ZKSCAN7: variants seen among roughly 807,000 people sequenced by gnomAD.
The protein encoded by ZKSCAN7 is zinc finger protein with KRAB and SCAN domains 7.
Under a neutral mutation model 65.3 loss-of-function variants are expected in ZKSCAN7, and 38 were observed. The ratio of observed to expected loss-of-function variants is 0.58; its 90% CI spans 0.45 to 0.76. ZKSCAN7 has a LOEUF of 0.76. ZKSCAN7 is among the 30% of genes least tolerant of loss of function. The probability of loss-of-function intolerance (pLI) is 0.00; values close to 1 mark genes in which losing one functional copy is unlikely to be tolerated. For missense variants in ZKSCAN7, 815 were observed against 913.3 expected, an observed-to-expected ratio of 0.89 and a Z score of 1.39; for synonymous variants, 321 against 321.0, an observed-to-expected ratio of 1.00 and a Z score of 0.00.
chr3:44,565,184 T>A (rs936114803), intron 2 of ZKSCAN7, among the ~76,000 whole-genome samples: 1 of 152,172 alleles, frequency 6.6e-6, no homozygotes, highest in Non-Finnish European at 1.5e-5. Flanking sequence ...GCTCCCTTTT[T>A]AAATGGTTCT....
chr3:44,561,247 C>G (rs1247348543), intron 2 of ZKSCAN7, among the ~76,000 whole-genome samples: 1 of 151,220 alleles, frequency 6.6e-6, no homozygotes, highest in Non-Finnish European at 1.5e-5. Context: ...AAGGAAGGAC[C>G]TTCTTCACAT....
chr3:44,571,379 A>G lies in ZKSCAN7; in HGVS notation c.*4A>G, dbSNP rs994675910. Reference sequence around the variant, plus strand: ...TCTGGCTTGGTCAGTTTCTTAAGGTATGGTTCTCTGAGACAGAGAGCAACG... The same window carrying G: ...TCTGGCTTGGTCAGTTTCTTAAGGTGTGGTTCTCTGAGACAGAGAGCAACG... On this transcript the variant is annotated 3_prime_UTR_variant, in exon 6 of 6. Transcript: ENST00000426540. 2.5e-6 allele frequency: 4 copies of G among 1,613,764 alleles called. No homozygotes were observed. The highest frequency in any genetic ancestry group is 3.4e-6 in the Non-Finnish European group (4 of 1,180,026).
At chr3:44,581,400 T>C (rs1308331986) in intron 5 of ZKSCAN7, among the ~76,000 whole-genome samples, 2 of 152,124 alleles carry the variant, frequency 1.3e-5, no homozygotes, top group Non-Finnish European at 2.9e-5. Flanking sequence ...TCTTAAGATA[T>C]GTGAAAAACC....
intron 2 of ZKSCAN7, among the ~76,000 whole-genome samples, chr3:44,563,338 T>C (rs544171627): frequency 7.9e-4 from 121 of 152,328 alleles, no homozygotes; most frequent in African/African-American, 2.9e-3. Context: ...TTTATAGCAG[T>C]GCCCCACTTT....
In ZKSCAN7 at chr3:44,579,307, C is replaced by T. The variant is rs190417222; in HGVS notation, c.812-3665C>T. 1.5e-3 allele frequency among the ~76,000 whole-genome samples: 233 copies of T among 152,302 alleles called. 1 individual carries two copies. Among genetic ancestry groups the T allele is most frequent in the Middle Eastern group, 3.4e-3 (1 of 294 alleles). ...GCTCCCGCTCCAGCTCCCCAGGCTC[C>T]GCCTCAGGGCGCAGGGGCTCGTGGG... On this transcript the variant is annotated intron_variant, in intron 5 of 5. Coordinates refer to the ZKSCAN7 transcript ENST00000341840.
rs1479848076 is a variant in ZKSCAN7 at position 44,571,432 on chromosome 3, C to T, written c.*57C>T. On this transcript the variant is annotated 3_prime_UTR_variant, in exon 6 of 6. Transcript: ENST00000426540. ...CTTTGAGTTAAGCTGTCTTTATAAG[C>T]AGGATGCTCATAGTGGTTTCCCGGA... 1.2e-6 allele frequency: 2 copies of T among 1,604,744 alleles called. No homozygotes were observed. The highest frequency in any genetic ancestry group is 1.3e-5 in the African/African-American group (1 of 74,892).
At chr3:44,562,428 A>C (rs773582051) in intron 2 of ZKSCAN7, among the ~76,000 whole-genome samples, 1 of 152,204 alleles carries the variant, frequency 6.6e-6, no homozygotes, top group South Asian at 2.1e-4. Flanking sequence ...AATGCCCTGG[A>C]GACGTTTTCC....
rs1699772026 is a variant in ZKSCAN7, at chr3:44,570,551, C to T, written c.1441C>T (p.Arg481Ter). The change falls in exon 6 of 6, where the codon CGA (arginine) becomes TGA (stop). Residue 481 changes from arginine to a stop codon, truncating the protein, a stop_gained. Transcript: ENST00000426540. LOFTEE classifies it high-confidence loss of function. ...TGCAAAAGCCTTTACTCAGAGTTCC[C>T]GACTCACTGACCACCAGAGAACCCA... Reference protein sequence around the residue: ...ECAKAFTQSSRLTDHQRTHTG... With the variant: ...ECAKAFTQSS 29 of 1,612,372 alleles carry T rather than the reference C, an allele frequency of 1.8e-5. No individual in the cohort carries two copies. The highest frequency in any genetic ancestry group is 2.2e-5 in the Non-Finnish European group (26 of 1,178,576).
At chr3:44,578,394 T>TCCC in intron 5 of ZKSCAN7, 2 of 1,613,854 alleles carry the variant, frequency 1.2e-6, no homozygotes, top group Non-Finnish European at 1.7e-6. Context: ...CCGTCCCCAG[T>TCCC]CAGCAGCGTC....
chr3:44,568,213 C>A, intron 4 of ZKSCAN7, 94 bp from the exon 5 acceptor site: 1 of 1,557,058 alleles, frequency 6.4e-7, no homozygotes, highest in Non-Finnish European at 8.7e-7. Context: ...TACTTTTGCC[C>A]ATGAAGAGCC....
At chr3:44,580,004 C>T (rs1270236101) in intron 5 of ZKSCAN7, 7 of 1,582,896 alleles carry the variant, frequency 4.4e-6, no homozygotes, top group Non-Finnish European at 6.1e-6. Flanking sequence ...TGAAGTCCTG[C>T]TTGCTAGGGA....
Position 44,557,237 on chromosome 3 carries a change from G to A in ZKSCAN7, c.190G>A (p.Glu64Lys), listed in dbSNP as rs745595640. ...RLHFRQLCYH[E>K]MSGPQEALSR... ...ACACTTCAGGCAATTGTGTTACCAC[G>A]AGATGTCTGGGCCGCAGGAAGCATT... The change falls in exon 2 of 6, where the codon GAG becomes AAG. Residue 64 changes from glutamate (E) to lysine (K), a missense_variant. Glu to Lys is a moderately conservative substitution (Grantham distance 56, BLOSUM62 1). This residue lies in a region of ZKSCAN7 where 227 missense variants were observed against 253.3 expected (regional missense o/e 0.90). Coordinates refer to ENST00000426540, the MANE Select transcript of ZKSCAN7 (RefSeq NM_001288590.2). 6.2e-6 allele frequency: 10 copies of A among 1,614,148 alleles called. No individual in the cohort carries two copies. Among genetic ancestry groups the A allele is most frequent in the East Asian group, 2.2e-5 (1 of 44,900 alleles).
chr3:44,579,459 G>T (rs1461193608), intron 5 of ZKSCAN7, among the ~76,000 whole-genome samples: 1 of 152,158 alleles, frequency 6.6e-6, no homozygotes, highest in Non-Finnish European at 1.5e-5. Flanking sequence ...CTCCTCTTCT[G>T]CTCAGGGTCC....
At chr3:44,559,284 C>T (rs1699394540) in intron 2 of ZKSCAN7, among the ~76,000 whole-genome samples, 1 of 152,108 alleles carries the variant, frequency 6.6e-6, no homozygotes, top group South Asian at 2.1e-4. Context: ...ATCATCACAC[C>T]ATGGATAAGT....
intron 2 of ZKSCAN7, 24 bp from the exon 3 acceptor site, chr3:44,565,463 C>A (rs775701412): frequency 2.5e-5 from 39 of 1,574,968 alleles, no homozygotes; most frequent in Non-Finnish European, 3.2e-5. Context: ...TCTTTTGAAC[C>A]CAATTGTATT....
chr3:44,581,058 C>A (rs1187641262), intron 5 of ZKSCAN7: 5 of 1,408,596 alleles, frequency 3.5e-6, no homozygotes, highest in Non-Finnish European at 3.7e-6. Context: ...GGCGCAGGCC[C>A]GGCCGGCCTG....
At chr3:44,569,292 A>T (rs1344198077) in intron 5 of ZKSCAN7, among the ~76,000 whole-genome samples, 4 of 152,196 alleles carry the variant, frequency 2.6e-5, no homozygotes. Context: ...CTCTGCAAAC[A>T]CTGGGGCAGA....
In ZKSCAN7 at chr3:44,581,322, C is replaced by T. The variant is rs539821780; in HGVS notation, c.812-1650C>T. Reference sequence around the variant, plus strand: ...GGCCCGCCTCTCAAGCTCCGGTCGCCGCCGTCCCGGCTCGTCCGCGCCGCC... The same window carrying T: ...GGCCCGCCTCTCAAGCTCCGGTCGCTGCCGTCCCGGCTCGTCCGCGCCGCC... On this transcript the variant is annotated intron_variant, in intron 5 of 5. Transcript: ENST00000341840. Among the ~76,000 whole-genome samples, 61 of 151,104 alleles carry T rather than the reference C, an allele frequency of 4.0e-4. No homozygotes were observed. In the East Asian group the frequency reaches 0.011, roughly 27 times the overall value.
chr3:44,570,922 A>T lies in ZKSCAN7; in HGVS notation c.1812A>T (p.Glu604Asp). Residue 604 changes from glutamate (E) to aspartate (D), a missense_variant, in exon 6 of 6, where the codon GAA becomes GAT. Physicochemically the swap from Glu to Asp is conservative, Grantham distance 45 (BLOSUM62 2). Around this residue, in one of 3 missense-constraint regions of ZKSCAN7, gnomAD observed 578 missense variants for 629.5 expected, o/e 0.92. Transcript: ENST00000426540. ...AGCATGAGCGAATTCATACTGGAGAAAAACCTTTTGAATGTAGCGAGTGTG... is the reference window on the plus strand; with the variant it reads ...AGCATGAGCGAATTCATACTGGAGATAAACCTTTTGAATGTAGCGAGTGTG... ...LIEHERIHTG[E>D]KPFECSECGK... 6.2e-7 allele frequency: 1 copy of T among 1,614,060 alleles called. No homozygotes were observed. Among genetic ancestry groups the T allele is most frequent in the Non-Finnish European group, 8.5e-7 (1 of 1,179,980 alleles).
Sources: allele counts gnomAD v4.1 joint callset (sites outside exome capture counted in the v4.1 genomes callset), GRCh38; gene constraint gnomAD v4.1.1; regional missense constraint gnomAD v4.1.1; transcripts MANE v1.5; gene names NCBI Gene and HGNC (gene_info 2026-07-23, HGNC 2026-07-21).